SEM1: variants seen among roughly 807,000 people sequenced by gnomAD.
SEM1 encodes SEM1 26S proteasome subunit.
In SEM1, 3 loss-of-function variants were observed where a neutral mutation model predicts 12.7. The ratio of observed to expected loss-of-function variants is 0.24; its 90% CI spans 0.11 to 0.61. SEM1 has a LOEUF of 0.61. SEM1 is among the 20% of genes least tolerant of loss of function. The pLI is 0.88. For synonymous variants in SEM1, 30 were observed against 27.8 expected, an observed-to-expected ratio of 1.08 and a Z score of -0.25; for missense variants, 59 against 81.3, an observed-to-expected ratio of 0.73 and a Z score of 1.06.
At chr7:96,678,095 C>G (rs1789504153) in intron 2 of SEM1, among the ~76,000 whole-genome samples, 1 of 152,148 alleles carries the variant, frequency 6.6e-6, no homozygotes, top group Non-Finnish European at 1.5e-5. Context: ...CTCATCCTTT[C>G]TTTATGCCAT....
intron 2 of SEM1, among the ~76,000 whole-genome samples, chr7:96,657,418 A>C (rs753869783): frequency 6.6e-6 from 1 of 152,202 alleles, no homozygotes; most frequent in Non-Finnish European, 1.5e-5. Flanking sequence ...TCCAGACTTG[A>C]TATCACTCTT....
chr7:96,517,157 A>C (rs985035936), intron 2 of SEM1, among the ~76,000 whole-genome samples: 2 of 152,196 alleles, frequency 1.3e-5, no homozygotes, highest in Non-Finnish European at 2.9e-5. Context: ...GATACATATC[A>C]TAATACATTT....
chr7:96,649,395 T>C (rs1363001596), intron 2 of SEM1: 1 of 152,040 alleles, frequency 6.6e-6, no homozygotes, highest in Non-Finnish European at 1.5e-5. Context: ...GGGTAGAAAA[T>C]TAAGGTAATT....
At chr7:96,587,471 GCTCT>G (rs755758502) in intron 2 of SEM1, among the ~76,000 whole-genome samples, 10 of 151,910 alleles carry the variant, frequency 6.6e-5, no homozygotes, top group Non-Finnish European at 1.5e-4. Context: ...TTCATTTCTT[GCTCT>G]CTTTCTCCCC....
intron 2 of SEM1, among the ~76,000 whole-genome samples, chr7:96,522,752 G>A (rs973205757): frequency 6.7e-6 from 1 of 148,580 alleles, no homozygotes; most frequent in African/African-American, 2.5e-5. Context: ...TTAGCCGGAT[G>A]TGGTGGCACA....
chr7:96,703,057 A>G (rs753269033), intron 1 of SEM1, among the ~76,000 whole-genome samples: 5 of 152,258 alleles, frequency 3.3e-5, no homozygotes, highest in Non-Finnish European at 7.3e-5. Context: ...GAGAAAGCTG[A>G]AAGTGATCTG....
intron 2 of SEM1, among the ~76,000 whole-genome samples, chr7:96,540,879 C>T (rs893349757): frequency 2.0e-5 from 3 of 151,790 alleles, no homozygotes; most frequent in African/African-American, 7.3e-5. Flanking sequence ...GGATAATGGC[C>T]TCCAGGTGCA....
In SEM1 at chr7:96,677,667, C is replaced by T. The variant is rs138986699; in HGVS notation, c.171-3808G>A. The stretch of plus-strand genomic sequence containing the variant: ...CTCAGAGCAGGAACTATTCAGTGGT[C>T]TGGGCTGAATGGACAGTTTTCCTCA... On this transcript the variant is annotated intron_variant, in intron 2 of 2. Transcript: ENST00000413065. Among the ~76,000 whole-genome samples the T allele has an allele frequency of 3.4e-3, 517 of 152,078 alleles. 4 individuals are homozygous for T. Among genetic ancestry groups the T allele is most frequent in the African/African-American group, 0.012 (497 of 41,520 alleles).
chr7:96,585,380 C>T (rs145161449), intron 2 of SEM1, among the ~76,000 whole-genome samples: 1,826 of 152,350 alleles, frequency 0.012, 42 homozygotes, highest in African/African-American at 0.041. Context: ...AGCTGTCAGA[C>T]AGGGACATTT....
rs1009726965 is a variant in SEM1, at chr7:96,709,814, C to T, written c.-51G>A. The T allele has an allele frequency of 1.9e-6, 3 of 1,563,512 alleles. No individual in the cohort carries two copies. Among genetic ancestry groups the T allele is most frequent in the Non-Finnish European group, 2.6e-6 (3 of 1,135,684 alleles). ...CCAGATAAGCAGAAAAGTTGGAACC[C>T]TCACTCTTCCTCAAGGAAACGCCAC... is the stretch of plus-strand genomic sequence containing the variant. On this transcript the variant is annotated 5_prime_UTR_variant, in exon 1 of 3. Coordinates refer to ENST00000248566, the MANE Select transcript of SEM1 (RefSeq NM_006304.2).
intron 2 of SEM1, among the ~76,000 whole-genome samples, chr7:96,544,407 A>C (rs1336066766): frequency 3.2e-4 from 49 of 152,070 alleles, no homozygotes; most frequent in Admixed American, 3.1e-3. Context: ...AGATGAACAT[A>C]ATATAATTAT....
intron 2 of SEM1, among the ~76,000 whole-genome samples, chr7:96,583,112 G>A (rs1388022445): frequency 6.6e-6 from 1 of 151,490 alleles, no homozygotes; most frequent in African/African-American, 2.4e-5. Context: ...GGCATTTAGT[G>A]CTATAAATTT....
chr7:96,676,507 A>G (rs1001203239), intron 2 of SEM1, among the ~76,000 whole-genome samples: 1 of 152,220 alleles, frequency 6.6e-6, no homozygotes, highest in Non-Finnish European at 1.5e-5. Flanking sequence ...ACTCCATGCT[A>G]TGCTACAGTT....
intron 2 of SEM1, chr7:96,484,952 T>G: frequency 1.5e-6 from 1 of 672,088 alleles, no homozygotes; most frequent in South Asian, 1.5e-5. Flanking sequence ...TACAGTCAGC[T>G]GTTATTCCTG....
intron 2 of SEM1, chr7:96,656,611 G>A (rs997228433): frequency 6.7e-6 from 1 of 150,096 alleles, no homozygotes; most frequent in Non-Finnish European, 1.5e-5. Context: ...AAAAAATCAG[G>A]CTTCTTCCAT....
At chr7:96,490,470 T>C (rs1348939639) in intron 1 of SEM1, among the ~76,000 whole-genome samples, 1 of 152,198 alleles carries the variant, frequency 6.6e-6, no homozygotes, top group East Asian at 1.9e-4. Flanking sequence ...CTAGAAATAA[T>C]ATTTTTACAT....
rs1166234219 is a variant in SEM1 at position 96,601,568 on chromosome 7, G to T, written c.170+93230C>A. Among the ~76,000 whole-genome samples the T allele has an allele frequency of 2.0e-5, 3 of 152,106 alleles. No individual in the cohort carries two copies. The East Asian group carries it at 5.8e-4, about 29-fold the overall frequency. Reference sequence around the variant, plus strand: ...ACAAGGAGACCCTGGGGCTGGAGTGGTGTAAGCAACTGAAAAGGTAGTAAA... The same window carrying T: ...ACAAGGAGACCCTGGGGCTGGAGTGTTGTAAGCAACTGAAAAGGTAGTAAA... On this transcript the variant is annotated intron_variant and NMD_transcript_variant, in intron 2 of 3. Transcript: ENST00000466986.
At chr7:96,629,582 T>G (rs2116327599) in intron 2 of SEM1, among the ~76,000 whole-genome samples, 1 of 152,256 alleles carries the variant, frequency 6.6e-6, no homozygotes, top group South Asian at 2.1e-4. Context: ...AAACAGCTAT[T>G]TTGAATTCTC....
At chr7:96,697,963 G>A (rs957960236) in intron 1 of SEM1, among the ~76,000 whole-genome samples, 6 of 152,056 alleles carry the variant, frequency 3.9e-5, no homozygotes, top group Non-Finnish European at 5.9e-5. Flanking sequence ...AAATCAATAC[G>A]TAGCACGGCA....
Sources: gnomAD v4.1 joint callset for allele counts (sites outside exome capture counted in the v4.1 genomes callset) on GRCh38, gnomAD v4.1.1 for gene constraint, MANE v1.5 for transcripts, NCBI Gene and HGNC (gene_info 2026-07-23, HGNC 2026-07-21) for gene names.